Variants in LRIG3 observed in about 807,000 individuals in gnomAD.
LRIG3 encodes leucine-rich repeats and immunoglobulin-like domains protein 3.
Under a neutral mutation model 114.5 loss-of-function variants are expected in LRIG3, and 76 were observed. The ratio of observed to expected loss-of-function variants is 0.66; its 90% confidence interval spans 0.55 to 0.80. The LOEUF (loss-of-function observed/expected upper bound fraction) is 0.80, where lower values mean the gene tolerates loss of function less well. Ranked by LOEUF, LRIG3 falls within the 30% of genes least tolerant of loss-of-function variation. LRIG3 has a pLI of 0.00. For synonymous variants in LRIG3, 512 were observed against 519.8 expected, an observed-to-expected ratio of 0.98 and a Z score of 0.20; for missense variants, 1,239 against 1,382.8, an observed-to-expected ratio of 0.90 and a Z score of 1.65.
In LRIG3 at chr12:58,872,678, C is replaced by T. The variant is rs766603524; in HGVS notation, c.3254G>A (p.Gly1085Glu). ...PDLDSGSEED[G>E]KERTDFQEEN... is the part of the protein sequence containing the mutation. ...TTCCTGAAAATCTGTCCTTTCTTTCCCATCTTCCTCTGACCCAGAGTCCAA... is the reference window on the plus strand; with the variant it reads ...TTCCTGAAAATCTGTCCTTTCTTTCTCATCTTCCTCTGACCCAGAGTCCAA... Residue 1085 changes from glycine to glutamate, a missense_variant, in exon 19 of 19, where the codon GGG becomes GAG. Transcript: ENST00000320743. 3 of 1,614,028 alleles carry T rather than the reference C, an allele frequency of 1.9e-6. No individual in the cohort carries two copies. Among genetic ancestry groups the T allele is most frequent in the South Asian group, 1.1e-5 (1 of 91,072 alleles).
At chr12:58,903,915 A>G (rs1295625610) in intron 3 of LRIG3, among the ~76,000 whole-genome samples, 1 of 151,896 alleles carries the variant, frequency 6.6e-6, no homozygotes, top group Non-Finnish European at 1.5e-5. Context: ...GTTCTGTTCC[A>G]TTGATCTATA....
At chr12:58,917,761 CCTA>C (rs1274737925) in intron 1 of LRIG3, among the ~76,000 whole-genome samples, 1 of 152,074 alleles carries the variant, frequency 6.6e-6, no homozygotes, top group Non-Finnish European at 1.5e-5. Flanking sequence ...AAGACAAACT[CCTA>C]CTATTTTGAT....
At position 58,890,008 on chromosome 12, in the gene LRIG3, T is replaced by C; in HGVS notation, c.647A>G (p.Gln216Arg). 1 of 1,613,594 alleles carries C rather than the reference T, an allele frequency of 6.2e-7. No individual in the cohort carries two copies. The highest frequency in any genetic ancestry group is 1.1e-5 in the South Asian group (1 of 90,968). ...AIPPKMFKLPQLQHLELNRNK... is the reference protein window; with the variant it reads ...AIPPKMFKLPRLQHLELNRNK... ...ACATTTTACTTACAGATGTTGCAGT[T>C]GGGGCAGTTTAAACATCTTGGGTGG... Residue 216 changes from glutamine to arginine, a missense_variant, in exon 5 of 19, where the codon CAA (glutamine) becomes CGA (arginine). By Grantham distance (43) the Gln-to-Arg change is conservative (BLOSUM62 1). Coordinates refer to ENST00000320743, the MANE Select transcript of LRIG3 (RefSeq NM_153377.5).
intron 1 of LRIG3, chr12:58,914,670 T>C (rs1442988519): frequency 4.9e-6 from 1 of 205,760 alleles, no homozygotes; most frequent in Admixed American, 5.6e-5. Context: ...GATGACATCA[T>C]GGTTTAAGAA....
intron 3 of LRIG3, among the ~76,000 whole-genome samples, chr12:58,906,171 A>T (rs1287361345): frequency 6.6e-6 from 1 of 152,216 alleles, no homozygotes; most frequent in African/African-American, 2.4e-5. Flanking sequence ...CAATTTCCCC[A>T]GAAACTTAAG....
intron 3 of LRIG3, among the ~76,000 whole-genome samples, chr12:58,898,730 C>T (rs1271718662): frequency 2.0e-5 from 3 of 152,254 alleles, no homozygotes; most frequent in East Asian, 3.9e-4. Flanking sequence ...ACGATCTCGG[C>T]TCACTGCAAC....
At position 58,872,594 on chromosome 12, in the gene LRIG3, T is replaced by C. The variant is rs1870773670; in HGVS notation, c.3338A>G (p.Gln1113Arg). ...TLENYRTPNF[Q>R]SYDLDT ...AGTCTATGTGTCCAAGTCATAAGAC[T>C]GAAAATTTGGAGTCCTGTAGTTTTC... Residue 1113 changes from glutamine to arginine, a missense_variant, in exon 19 of 19, where the codon CAG becomes CGG. Gln to Arg is a conservative substitution (Grantham distance 43). Coordinates refer to ENST00000320743, the MANE Select transcript of LRIG3 (RefSeq NM_153377.5). 6.2e-7 allele frequency: 1 copy of C among 1,613,718 alleles called. No homozygotes were observed. The highest frequency in any genetic ancestry group is 1.3e-5 in the African/African-American group (1 of 75,006).
intron 1 of LRIG3, among the ~76,000 whole-genome samples, chr12:58,917,738 A>G (rs1872532476): frequency 6.6e-6 from 1 of 152,226 alleles, no homozygotes; most frequent in African/African-American, 2.4e-5. Flanking sequence ...AAGTGCTTTC[A>G]TAAGCCAGTC....
In LRIG3 at chr12:58,878,965, G is replaced by A. The variant is rs377190450; in HGVS notation, c.1942C>T (p.Arg648Trp). ...GGCATCACATGCATGCGTCTCTCCC[G>A]TGCAGCTGGGAAGTCTGTGCCCCCA... ...KDGGTDFPAA[R>W]ERRMHVMPED... The change falls in exon 14 of 19, where the codon CGG becomes TGG. Residue 648 changes from arginine (R) to tryptophan (W), a missense_variant. Arg to Trp is a moderately radical substitution (Grantham distance 101). Transcript: ENST00000320743. 6.8e-6 allele frequency: 11 copies of A among 1,614,030 alleles called. No homozygotes were observed. The highest frequency in any genetic ancestry group is 1.3e-5 in the African/African-American group (1 of 74,920).
At position 58,886,737 on chromosome 12, in the gene LRIG3, T is replaced by C. The variant is rs539038255; in HGVS notation, c.1172+73A>G. 7.4e-6 allele frequency: 9 copies of C among 1,220,456 alleles called. No homozygotes were observed. The African/African-American group carries it at 9.0e-5, about 12-fold the overall frequency. 75.6% of individuals were successfully genotyped at this position (1,220,456 alleles called of 1,614,324 possible). ...CTCATCTCTTCATGATGTCAACTTG[T>C]ATAGCTGACTTCAGTGAAGACAAAA... On this transcript the variant is annotated intron_variant, in intron 9 of 18. Transcript: ENST00000320743.
chr12:58,872,550 T>C lies in LRIG3; in HGVS notation c.*22A>G, dbSNP rs753757308. 2 of 1,569,318 alleles carry C rather than the reference T, an allele frequency of 1.3e-6. No individual in the cohort carries two copies. On this transcript the variant is annotated 3_prime_UTR_variant, in exon 19 of 19. Coordinates refer to ENST00000320743, the MANE Select transcript of LRIG3 (RefSeq NM_153377.5). ...GTTCACTTGAGGTAGTATGTTAAGC[T>C]TTTCCTTTGGTCTCATTCAGTCTAT...
At chr12:58,889,729 C>T (rs374768486) in intron 5 of LRIG3, among the ~76,000 whole-genome samples, 114 of 152,138 alleles carry the variant, frequency 7.5e-4, no homozygotes, top group South Asian at 1.9e-3. Context: ...CACAATGGCA[C>T]TTTTGTACCA....
chr12:58,907,489 C>A (rs1391359964), intron 3 of LRIG3, among the ~76,000 whole-genome samples: 1 of 152,154 alleles, frequency 6.6e-6, no homozygotes, highest in Non-Finnish European at 1.5e-5. Context: ...TGTGACCCTC[C>A]CATTCAAGAA....
At position 58,895,124 on chromosome 12, in the gene LRIG3, G is replaced by A. The variant is rs577758603; in HGVS notation, c.384-4328C>T. On this transcript the variant is annotated intron_variant, in intron 3 of 18. Transcript: ENST00000320743. ...TGCCAAATACCTTTAAAATGCAGAC[G>A]CAAACATGGCTTACCATTTTCATCT... Among the ~76,000 whole-genome samples the A allele has an allele frequency of 1.6e-4, 25 of 152,262 alleles. No homozygotes were observed. In the South Asian group the frequency reaches 4.8e-3, roughly 29 times the overall value.
At chr12:58,913,254 A>G (rs1872350638) in intron 3 of LRIG3, among the ~76,000 whole-genome samples, 1 of 152,238 alleles carries the variant, frequency 6.6e-6, no homozygotes, top group Admixed American at 6.5e-5. Context: ...TAAATTATTT[A>G]AGATTAAGGT....
At chr12:58,902,025 C>A (rs777149044) in intron 3 of LRIG3, among the ~76,000 whole-genome samples, 2 of 152,116 alleles carry the variant, frequency 1.3e-5, no homozygotes, top group Non-Finnish European at 2.9e-5. Context: ...TATAATATAG[C>A]AAGCTGTTCC....
At chr12:58,903,272 G>A (rs1234121186) in intron 3 of LRIG3, among the ~76,000 whole-genome samples, 1 of 152,190 alleles carries the variant, frequency 6.6e-6, no homozygotes, top group Non-Finnish European at 1.5e-5. Flanking sequence ...TCTAACTGGT[G>A]TGAGATGGTA....
intron 3 of LRIG3, among the ~76,000 whole-genome samples, chr12:58,906,302 G>A (rs930974481): frequency 3.9e-5 from 6 of 151,970 alleles, no homozygotes; most frequent in African/African-American, 1.2e-4. Flanking sequence ...AACTATTTGC[G>A]GTCTACTGCA....
At chr12:58,914,612 C>G (rs909030749) in intron 1 of LRIG3, 2 of 332,098 alleles carry the variant, frequency 6.0e-6, no homozygotes, top group Admixed American at 8.7e-5. Flanking sequence ...CTTTTGTGAA[C>G]TGGCAGGTCT....
Sources: gnomAD v4.1 joint callset for allele counts (sites outside exome capture counted in the v4.1 genomes callset) on GRCh38, gnomAD v4.1.1 for gene constraint, MANE v1.5 for transcripts, NCBI Gene and HGNC (gene_info 2026-07-23, HGNC 2026-07-21) for gene names.